CRACR2A: variants seen among roughly 807,000 people sequenced by gnomAD.
CRACR2A encodes the protein EF-hand calcium-binding domain-containing protein 4B.
Under a neutral mutation model 90.5 loss-of-function variants are expected in CRACR2A, and 79 were observed. The ratio of observed to expected loss-of-function variants is 0.87; its 90% CI spans 0.73 to 1.05. The LOEUF is 1.05. Ranked by LOEUF, CRACR2A falls within the 50% of genes least tolerant of loss-of-function variation. The probability of loss-of-function intolerance (pLI) is 0.00; values close to 1 mark genes in which losing one functional copy is unlikely to be tolerated. For missense variants in CRACR2A, 823 were observed against 897.2 expected, an observed-to-expected ratio of 0.92 and a Z score of 1.06; for synonymous variants, 338 against 356.7, an observed-to-expected ratio of 0.95 and a Z score of 0.59.
chr12:3,631,495 C>T (rs916501401), intron 15 of CRACR2A, among the ~76,000 whole-genome samples: 5 of 152,148 alleles, frequency 3.3e-5, no homozygotes, highest in Non-Finnish European at 7.4e-5. Flanking sequence ...GAATGCCCTC[C>T]GGGAGGGCAA....
At chr12:3,697,359 A>G (rs769708717) in intron 3 of CRACR2A, among the ~76,000 whole-genome samples, 1 of 152,246 alleles carries the variant, frequency 6.6e-6, no homozygotes, top group Non-Finnish European at 1.5e-5. Flanking sequence ...ACAGATCCTG[A>G]TAGACCAGCT....
At chr12:3,736,992 G>C (rs1946458995) in intron 1 of CRACR2A, among the ~76,000 whole-genome samples, 1 of 152,128 alleles carries the variant, frequency 6.6e-6, no homozygotes, top group African/African-American at 2.4e-5. Context: ...GCTGGGATAG[G>C]GTGATGAACT....
chr12:3,704,859 T>A (rs1275443266), intron 3 of CRACR2A, among the ~76,000 whole-genome samples: 2 of 152,232 alleles, frequency 1.3e-5, no homozygotes, highest in Admixed American at 1.3e-4. Context: ...CTAACACGAC[T>A]TCAGCCTCTT....
At chr12:3,661,608 A>G (rs1389102975) in intron 7 of CRACR2A, among the ~76,000 whole-genome samples, 1 of 152,242 alleles carries the variant, frequency 6.6e-6, no homozygotes, top group Non-Finnish European at 1.5e-5. Context: ...AAAGTAAGGA[A>G]AAAGGCTCAT....
At chr12:3,695,634 C>T (rs990034202) in intron 4 of CRACR2A, among the ~76,000 whole-genome samples, 6 of 152,184 alleles carry the variant, frequency 3.9e-5, no homozygotes, top group Non-Finnish European at 5.9e-5. Flanking sequence ...TGAGGGTCCC[C>T]ATTTCATTGC....
intron 4 of CRACR2A, among the ~76,000 whole-genome samples, 196 bp from the exon 5 acceptor site, chr12:3,680,545 G>GTTA (rs1945428770): frequency 1.3e-5 from 2 of 152,144 alleles, no homozygotes; most frequent in Admixed American, 6.5e-5. Context: ...CCATTGATTG[G>GTTA]GTGCCTACGA....
At chr12:3,749,013 T>C (rs1015945348) in intron 1 of CRACR2A, among the ~76,000 whole-genome samples, 1 of 152,194 alleles carries the variant, frequency 6.6e-6, no homozygotes, top group Admixed American at 6.5e-5. Flanking sequence ...GGCTCTGAAA[T>C]AGCCAAGCTG....
intron 13 of CRACR2A, among the ~76,000 whole-genome samples, 175 bp downstream of exon 13, chr12:3,641,557 T>C (rs1347234804): frequency 6.6e-6 from 1 of 152,218 alleles, no homozygotes; most frequent in African/African-American, 2.4e-5. Flanking sequence ...ATTCCCCCTC[T>C]GGCTTAGATG....
chr12:3,658,341 T>C (rs1265364168), intron 8 of CRACR2A, among the ~76,000 whole-genome samples: 1 of 151,452 alleles, frequency 6.6e-6, no homozygotes, highest in Non-Finnish European at 1.5e-5. Flanking sequence ...AGCCTCTCTG[T>C]GCAGGATGTC....
chr12:3,668,177 T>A (rs567826804), intron 7 of CRACR2A, among the ~76,000 whole-genome samples: 35 of 152,330 alleles, frequency 2.3e-4, no homozygotes, highest in Admixed American at 1.6e-3. Context: ...ATGCATTAGA[T>A]TAAGTCACAA....
chr12:3,688,949 T>C (rs543523273), intron 4 of CRACR2A, among the ~76,000 whole-genome samples: 1 of 152,330 alleles, frequency 6.6e-6, no homozygotes, highest in East Asian at 1.9e-4. Flanking sequence ...CTGTATTTTA[T>C]TGTTTTTGTG....
intron 17 of CRACR2A, among the ~76,000 whole-genome samples, chr12:3,619,966 C>G (rs1944102257): frequency 6.6e-6 from 1 of 152,266 alleles, no homozygotes; most frequent in African/African-American, 2.4e-5. Flanking sequence ...GCTGGCACCA[C>G]AGACCCCTGT....
intron 7 of CRACR2A, among the ~76,000 whole-genome samples, chr12:3,669,916 G>A (rs951095246): frequency 6.6e-6 from 1 of 152,144 alleles, no homozygotes; most frequent in Admixed American, 6.5e-5. Flanking sequence ...ATTTTCTCTG[G>A]CCCTGTGGGA....
chr12:3,730,956 CTG>C (rs1946351375), intron 2 of CRACR2A: 1 of 152,200 alleles, frequency 6.6e-6, no homozygotes, highest in Non-Finnish European at 1.5e-5. Context: ...TACAAAAACA[CTG>C]TATACACCAG....
chr12:3,736,932 T>C (rs1470010672), intron 1 of CRACR2A, among the ~76,000 whole-genome samples: 1 of 152,142 alleles, frequency 6.6e-6, no homozygotes, highest in Non-Finnish European at 1.5e-5. Context: ...CATTCACAGA[T>C]GCATTCTCCA....
At position 3,687,202 on chromosome 12, in the gene CRACR2A, TA is replaced by T. The variant is rs1386509207; in HGVS notation, c.229-6854del. ...ATCCCATTTTCTTTTTTTTTTTTTT[TA>T]ACTTTTAAGTTCAAGGATATATGTG... On this transcript the variant is annotated intron_variant, in intron 4 of 19. Coordinates refer to ENST00000440314, the MANE Select transcript of CRACR2A (RefSeq NM_001144958.2). 1.8e-4 allele frequency among the ~76,000 whole-genome samples: 27 copies of T among 150,792 alleles called. No individual in the cohort carries two copies. In the East Asian group the frequency reaches 5.0e-3, roughly 28 times the overall value.
chr12:3,687,258 A>G (rs924472427), intron 4 of CRACR2A, among the ~76,000 whole-genome samples: 1 of 150,672 alleles, frequency 6.6e-6, no homozygotes, highest in Non-Finnish European at 1.5e-5. Context: ...AACTTGTGTC[A>G]TGGGGGTTTG....
At chr12:3,665,066 AT>A (rs200982854) in intron 7 of CRACR2A, among the ~76,000 whole-genome samples, 2,694 of 152,342 alleles carry the variant, frequency 0.018, 40 homozygotes, top group Non-Finnish European at 0.028. Context: ...CTATTTAATT[AT>A]TTCATTTTCT....
chr12:3,639,634 C>T (rs138365088), intron 13 of CRACR2A, among the ~76,000 whole-genome samples: 1 of 151,944 alleles, frequency 6.6e-6, no homozygotes, highest in African/African-American at 2.4e-5. Flanking sequence ...ATATGTATTA[C>T]TCTTAAAGAT....
Sources: gnomAD v4.1 joint callset for allele counts (sites outside exome capture counted in the v4.1 genomes callset) on GRCh38, gnomAD v4.1.1 for gene constraint, MANE v1.5 for transcripts, NCBI Gene and HGNC (gene_info 2026-07-23, HGNC 2026-07-21) for gene names.